LRRC20: variants seen among roughly 807,000 people sequenced by gnomAD.
The protein encoded by LRRC20 is leucine-rich repeat-containing protein 20.
A neutral mutation model predicts 14.4 loss-of-function variants in LRRC20; 11 were observed. The ratio of observed to expected loss-of-function variants is 0.77; its 90% CI spans 0.48 to 1.27. The LOEUF (loss-of-function observed/expected upper bound fraction) is 1.27, where lower values mean the gene tolerates loss of function less well. Ranked by LOEUF, LRRC20 falls within the 50% of genes most tolerant of loss-of-function variation. LRRC20 has a pLI of 0.00. For synonymous variants in LRRC20, 121 were observed against 107.3 expected, an observed-to-expected ratio of 1.13 and a Z score of -0.79; for missense variants, 219 against 251.2, an observed-to-expected ratio of 0.87 and a Z score of 0.87.
intron 4 of LRRC20, among the ~76,000 whole-genome samples, chr10:70,319,173 G>GGAAAAAAA (rs1564616792): frequency 8.0e-6 from 1 of 125,306 alleles, no homozygotes. Flanking sequence ...GGTGTATAGG[G>GGAAAAAAA]AAAAAAAAAA....
At chr10:70,366,883 G>T (rs1844018996) in intron 2 of LRRC20, among the ~76,000 whole-genome samples, 1 of 152,208 alleles carries the variant, frequency 6.6e-6, no homozygotes, top group African/African-American at 2.4e-5. Context: ...GTGTAGGTTA[G>T]ATGCAAATAC....
chr10:70,340,748 G>A, intron 2 of LRRC20, 46 bp from the exon 3 acceptor site: 1 of 1,605,568 alleles, frequency 6.2e-7, no homozygotes, highest in Non-Finnish European at 8.5e-7. Flanking sequence ...AGCCACAGCT[G>A]CCCGAGAACT....
intron 4 of LRRC20, among the ~76,000 whole-genome samples, chr10:70,310,882 A>G (rs1841630126): frequency 6.6e-6 from 1 of 152,240 alleles, no homozygotes; most frequent in Non-Finnish European, 1.5e-5. Context: ...CCCCTTTGAC[A>G]CTAGTAATCT....
intron 2 of LRRC20, among the ~76,000 whole-genome samples, chr10:70,356,748 G>A (rs1246254834): frequency 6.6e-6 from 1 of 151,742 alleles, no homozygotes; most frequent in African/African-American, 2.4e-5. Context: ...CTACTCAGGA[G>A]GCTGAGGCAG....
chr10:70,378,773 CAAAAAAAAA>C (rs58126984), intron 1 of LRRC20, among the ~76,000 whole-genome samples: 2 of 67,434 alleles, frequency 3.0e-5, no homozygotes, highest in South Asian at 5.5e-4. Context: ...ACCTCGCGCT[CAAAAAAAAA>C]AAAAAAAAAA....
At chr10:70,304,504 A>ATATATATT in intron 4 of LRRC20, among the ~76,000 whole-genome samples, 1 of 122,938 alleles carries the variant, frequency 8.1e-6, no homozygotes, top group Non-Finnish European at 1.7e-5. Flanking sequence ...ATATATATAT[A>ATATATATT]TATTTTACTA....
intron 2 of LRRC20, among the ~76,000 whole-genome samples, chr10:70,368,198 C>T (rs554335215): frequency 2.8e-5 from 4 of 141,140 alleles, no homozygotes; most frequent in South Asian, 4.5e-4. Flanking sequence ...CACTCTGTCG[C>T]CCAGGCTGAA....
At chr10:70,305,962 A>G (rs1310829448) in intron 4 of LRRC20, among the ~76,000 whole-genome samples, 1 of 152,100 alleles carries the variant, frequency 6.6e-6, no homozygotes, top group East Asian at 1.9e-4. Context: ...GGATGGTCTC[A>G]ATCTCCTGAC....
intron 2 of LRRC20, among the ~76,000 whole-genome samples, chr10:70,347,994 G>A (rs1398501737): frequency 6.6e-6 from 1 of 151,994 alleles, no homozygotes; most frequent in Non-Finnish European, 1.5e-5. Context: ...AATAGCTATC[G>A]AGGCCCTCCT....
intron 2 of LRRC20, among the ~76,000 whole-genome samples, chr10:70,364,147 G>A (rs541122110): frequency 5.3e-5 from 8 of 152,156 alleles, no homozygotes; most frequent in Non-Finnish European, 1.0e-4. Flanking sequence ...CTCAGGACTC[G>A]CCAGGCCAGG....
intron 2 of LRRC20, among the ~76,000 whole-genome samples, chr10:70,359,547 A>T (rs934145481): frequency 5.3e-5 from 8 of 152,128 alleles, no homozygotes; most frequent in African/African-American, 1.7e-4. Context: ...TCTCAAAATT[A>T]TACTCTCCAT....
chr10:70,324,229 G>A (rs545307726), intron 3 of LRRC20, among the ~76,000 whole-genome samples, 199 bp from the exon 4 acceptor site: 6 of 152,328 alleles, frequency 3.9e-5, no homozygotes, highest in African/African-American at 1.2e-4. Flanking sequence ...CCGCTGCCCG[G>A]GGCCTGCCAC....
rs531527824 is a variant in LRRC20, at chr10:70,332,114, A to C, written c.233-8084T>G. Among the ~76,000 whole-genome samples the C allele has an allele frequency of 9.3e-4, 141 of 152,314 alleles. 3 individuals carry two copies. In the South Asian group the frequency reaches 0.029, roughly 31 times the overall value. ...ATGAGCAATCACAGTCCCTGACTGCACGGACTCCCCAGCAGGGCAGAGTCA... is the reference window on the plus strand; with the variant it reads ...ATGAGCAATCACAGTCCCTGACTGCCCGGACTCCCCAGCAGGGCAGAGTCA... On this transcript the variant is annotated intron_variant, in intron 3 of 4. Coordinates refer to ENST00000446961, the MANE Select transcript of LRRC20 (RefSeq NM_001278212.2).
intron 2 of LRRC20, among the ~76,000 whole-genome samples, chr10:70,374,731 G>T (rs908055940): frequency 6.6e-6 from 1 of 152,178 alleles, no homozygotes; most frequent in Non-Finnish European, 1.5e-5. Context: ...GCAGTGAGAA[G>T]AACACCCAGC....
At chr10:70,310,722 C>T (rs1368253029) in intron 4 of LRRC20, among the ~76,000 whole-genome samples, 2 of 152,198 alleles carry the variant, frequency 1.3e-5, no homozygotes, top group Admixed American at 6.5e-5. Context: ...ACAGCAGAAT[C>T]GCCATCAATG....
chr10:70,360,337 G>A (rs191944193), intron 2 of LRRC20, among the ~76,000 whole-genome samples: 2 of 152,052 alleles, frequency 1.3e-5, no homozygotes, highest in Non-Finnish European at 2.9e-5. Flanking sequence ...ACAGGTGTGA[G>A]TCACCACACC....
chr10:70,304,806 G>A (rs190385634), intron 4 of LRRC20, among the ~76,000 whole-genome samples: 3 of 152,128 alleles, frequency 2.0e-5, no homozygotes, highest in East Asian at 1.9e-4. Context: ...TTTTTGTGAC[G>A]GGCTTATGCC....
At chr10:70,334,358 T>C (rs1237465154) in intron 3 of LRRC20, among the ~76,000 whole-genome samples, 9 of 152,014 alleles carry the variant, frequency 5.9e-5, no homozygotes, top group Non-Finnish European at 1.3e-4. Flanking sequence ...TGAAGTGAAG[T>C]AGGAAGCTGG....
intron 4 of LRRC20, among the ~76,000 whole-genome samples, chr10:70,309,219 G>A (rs1178925184): frequency 6.6e-6 from 1 of 152,208 alleles, no homozygotes; most frequent in African/African-American, 2.4e-5. Context: ...ATTGGACACA[G>A]GAGGAAATCA....
Sources: allele counts gnomAD v4.1 joint callset (sites outside exome capture counted in the v4.1 genomes callset), GRCh38; gene constraint gnomAD v4.1.1; transcripts MANE v1.5; gene names NCBI Gene and HGNC (gene_info 2026-07-23, HGNC 2026-07-21).